Variants in NR1D2 observed in about 807,000 individuals in gnomAD.
The protein encoded by NR1D2 is V-erbA-related protein 1-related.
A neutral mutation model predicts 52.2 loss-of-function variants in NR1D2; 25 were observed. That is an observed-to-expected ratio of 0.48 (90% confidence interval 0.35 to 0.67). The LOEUF (loss-of-function observed/expected upper bound fraction) is 0.67. Among genes scored for constraint, NR1D2 ranks in the 30% least tolerant of loss-of-function variants. The pLI is 0.01. For synonymous variants in NR1D2, 259 were observed against 230.1 expected (o/e 1.13, Z -1.14); for missense variants, 681 against 707.2 (o/e 0.96, Z 0.42).
At chr3:23,949,182 A>G (rs1170721671) in intron 1 of NR1D2, among the ~76,000 whole-genome samples, 3 of 152,134 alleles carry the variant, frequency 2.0e-5, no homozygotes, top group African/African-American at 7.2e-5. Flanking sequence ...CCTGGCTAAC[A>G]TGTGAAACCC....
At position 23,974,636 on chromosome 3, in the gene NR1D2, T is replaced by TA. The variant is rs113363331; in HGVS notation, c.1544-2580dup. 4.2e-3 allele frequency among the ~76,000 whole-genome samples: 634 copies of TA among 151,976 alleles called. 6 individuals carry two copies. The highest frequency in any genetic ancestry group is 3.5e-3 in the Non-Finnish European group (241 of 67,980). On this transcript the variant is annotated intron_variant, in intron 7 of 7. Coordinates refer to ENST00000312521, the MANE Select transcript of NR1D2 (RefSeq NM_005126.5). The stretch of plus-strand genomic sequence containing the variant: ...TCATCAAGTGAAATAGTGTTTTTTT[T>TA]AAAAAAACCATTACTTGAATATCAA...
chr3:23,973,650 A>C (rs6805792), intron 7 of NR1D2, among the ~76,000 whole-genome samples: 1,893 of 152,228 alleles, frequency 0.012, 36 homozygotes, highest in African/African-American at 0.043. Context: ...CGGTACACTA[A>C]ATTTATTAAA....
At chr3:23,955,022 A>T (rs1259146623) in intron 2 of NR1D2, among the ~76,000 whole-genome samples, 1 of 152,208 alleles carries the variant, frequency 6.6e-6, no homozygotes, top group Non-Finnish European at 1.5e-5. Context: ...ACATGTGATT[A>T]TGTACTCTGC....
chr3:23,958,360 AT>A (rs1329762758), intron 3 of NR1D2, among the ~76,000 whole-genome samples: 1 of 152,188 alleles, frequency 6.6e-6, no homozygotes, highest in Admixed American at 6.5e-5. Context: ...AGAAGTAGTC[AT>A]TTAGGCTGGG....
At chr3:23,959,490 A>G (rs1184775396) in intron 3 of NR1D2, among the ~76,000 whole-genome samples, 181 bp from the exon 4 acceptor site, 4 of 152,078 alleles carry the variant, frequency 2.6e-5, no homozygotes, top group African/African-American at 9.7e-5. Flanking sequence ...AAGAATCGAA[A>G]TTAAATTCTG....
intron 7 of NR1D2, among the ~76,000 whole-genome samples, chr3:23,973,372 A>G (rs1264308173): frequency 6.6e-6 from 1 of 152,216 alleles, no homozygotes; most frequent in Non-Finnish European, 1.5e-5. Context: ...TAGGGTACAA[A>G]CCTGTACACC....
chr3:23,962,146 C>G lies in NR1D2; in HGVS notation c.687C>G (p.Pro229=). ...TALPAQEQLR[P]KPQLEQENIK... is the part of the protein sequence containing the mutation. ...TGCCAGCCCAGGAACAGCTGCGACCCAAGCCCCAACTGGAGCAAGAAAACA... is the reference window on the plus strand; with the variant it reads ...TGCCAGCCCAGGAACAGCTGCGACCGAAGCCCCAACTGGAGCAAGAAAACA... The change falls in exon 5 of 8, where the codon CCC becomes CCG. Residue 229 remains proline, a synonymous_variant. Coordinates refer to ENST00000312521, the MANE Select transcript of NR1D2 (RefSeq NM_005126.5). 1 of 1,614,192 alleles carries G rather than the reference C, an allele frequency of 6.2e-7. No homozygotes were observed. Among genetic ancestry groups the G allele is most frequent in the East Asian group, 2.2e-5 (1 of 44,882 alleles).
chr3:23,975,674 CT>C (rs1706705807), intron 7 of NR1D2, among the ~76,000 whole-genome samples: 1 of 152,044 alleles, frequency 6.6e-6, no homozygotes, highest in Non-Finnish European at 1.5e-5. Flanking sequence ...CAGATAATTG[CT>C]TGAACTCGGG....
At chr3:23,965,473 C>T (rs1398640126) in intron 6 of NR1D2, among the ~76,000 whole-genome samples, 1 of 151,340 alleles carries the variant, frequency 6.6e-6, no homozygotes, top group African/African-American at 2.4e-5. Flanking sequence ...TCTCAAACTC[C>T]TGAGCTCAAA....
chr3:23,947,011 A>G (rs112763229), intron 1 of NR1D2, among the ~76,000 whole-genome samples: 9 of 152,162 alleles, frequency 5.9e-5, no homozygotes, highest in Non-Finnish European at 1.3e-4. Context: ...TTATTTACGT[A>G]TTTTTAGAAT....
At chr3:23,960,384 G>A (rs916612406) in intron 4 of NR1D2, among the ~76,000 whole-genome samples, 9 of 152,106 alleles carry the variant, frequency 5.9e-5, no homozygotes, top group African/African-American at 1.4e-4. Context: ...TAACCTGGGT[G>A]ACACGGTGAC....
chr3:23,971,301 C>CCA lies in NR1D2; in HGVS notation c.1543+3278_1543+3279insCA, dbSNP rs201185985. On this transcript the variant is annotated intron_variant, in intron 7 of 7. Transcript: ENST00000312521. ...GAATATAATGCTTATATCTCTATAC[C>CCA]TATTTTTTTTTTTTTTTTTTTTGAG... 8.4e-3 allele frequency among the ~76,000 whole-genome samples: 935 copies of CCA among 110,874 alleles called. 48 individuals carry two copies. The highest frequency in any genetic ancestry group is 0.017 in the East Asian group (75 of 4,288). The allele number at this position is 110,874 out of a possible 152,430, so 72.7% of individuals were successfully genotyped here.
chr3:23,945,496 G>A lies in NR1D2; in HGVS notation c.-83G>A. On this transcript the variant is annotated 5_prime_UTR_variant, in exon 1 of 8. Coordinates refer to ENST00000312521, the MANE Select transcript of NR1D2 (RefSeq NM_005126.5). ...GCGACCACCGCTGCTTCCAGCCCGG[G>A]GCGGCGCGGCGCTGAGGCGGCGGCG... 2 of 877,144 alleles carry A rather than the reference G, an allele frequency of 2.3e-6. No homozygotes were observed. Among genetic ancestry groups the A allele is most frequent in the African/African-American group, 1.9e-5 (1 of 52,934 alleles). 54.3% of individuals were successfully genotyped at this position (877,144 alleles called of 1,614,324 possible).
At chr3:23,949,155 C>T (rs1186372034) in intron 1 of NR1D2, among the ~76,000 whole-genome samples, 1 of 152,108 alleles carries the variant, frequency 6.6e-6, no homozygotes, top group Non-Finnish European at 1.5e-5. Flanking sequence ...CACCTGAGGT[C>T]AGGAGTTCGA....
chr3:23,976,997 TTTGA>T (rs200160878), intron 7 of NR1D2, among the ~76,000 whole-genome samples: 1,545 of 96,320 alleles, frequency 0.016, 35 homozygotes, highest in African/African-American at 0.055. Flanking sequence ...AGTAAAGAAT[TTTGA>T]TTGATCAAAT....
intron 7 of NR1D2, among the ~76,000 whole-genome samples, chr3:23,973,342 A>T (rs1421415025): frequency 6.6e-6 from 1 of 152,228 alleles, no homozygotes; most frequent in Non-Finnish European, 1.5e-5. Flanking sequence ...CCTGGGTTTT[A>T]TGGTATAGCC....
rs1290437122 is a variant in NR1D2, at chr3:23,962,291, A to G, written c.832A>G (p.Ser278Gly). ...NQEQQENSAE[S>G]MQPQRGERIP... ...AGAGCAGCAAGAAAACTCAGCTGAG[A>G]GCATGCAGCCCCAGAGAGGAGAACG... is the stretch of plus-strand genomic sequence containing the variant. Residue 278 changes from serine (S) to glycine (G), a missense_variant, in exon 5 of 8, where the codon AGC becomes GGC. Physicochemically the swap from Ser to Gly is moderately conservative, Grantham distance 56. Transcript: ENST00000312521. 6.2e-6 allele frequency: 10 copies of G among 1,614,106 alleles called. No homozygotes were observed. The highest frequency in any genetic ancestry group is 8.5e-6 in the Non-Finnish European group (10 of 1,180,040).
chr3:23,954,643 A>ATCTTCTCCAAATAGCTCTAATTCTGAT lies in NR1D2; in HGVS notation c.124_150dup (p.Ser42_Asp50dup). On this transcript the variant is annotated inframe_insertion, in exon 2 of 8. Coordinates refer to ENST00000312521, the MANE Select transcript of NR1D2 (RefSeq NM_005126.5). ...TCCAGTCCTCCTCCTCTTCTGTTCC[A>ATCTTCTCCAAATAGCTCTAATTCTGAT]TCTTCTCCAAATAGCTCTAATTCTG... 1.2e-6 allele frequency: 2 copies of ATCTTCTCCAAATAGCTCTAATTCTGAT among 1,614,072 alleles called. No individual in the cohort carries two copies. Among genetic ancestry groups the ATCTTCTCCAAATAGCTCTAATTCTGAT allele is most frequent in the Non-Finnish European group, 1.7e-6 (2 of 1,179,980 alleles).
intron 5 of NR1D2, among the ~76,000 whole-genome samples, chr3:23,963,015 G>GTT (rs560624460): frequency 5.0e-5 from 7 of 141,042 alleles, no homozygotes; most frequent in African/African-American, 1.8e-4. Flanking sequence ...ATAGAAAGAG[G>GTT]TTTTTTTTTT....
Sources: allele counts gnomAD v4.1 joint callset (sites outside exome capture counted in the v4.1 genomes callset), GRCh38; gene constraint gnomAD v4.1.1; transcripts MANE v1.5; gene names NCBI Gene and HGNC (gene_info 2026-07-23, HGNC 2026-07-21).